The following PRKG2 variants were observed in gnomAD, a reference collection of about 807,000 sequenced individuals.
PRKG2 encodes the protein cGMP-dependent protein kinase 2.
A neutral mutation model predicts 97.2 loss-of-function variants in PRKG2; 33 were observed. The ratio of observed to expected loss-of-function variants is 0.34; its 90% confidence interval spans 0.26 to 0.45. PRKG2 has a LOEUF of 0.45. Ranked by LOEUF, PRKG2 falls within the 20% of genes least tolerant of loss-of-function variation. The pLI is 1.00. For missense variants in PRKG2, 638 were observed against 900.0 expected, an observed-to-expected ratio of 0.71 and a Z score of 3.73; for synonymous variants, 330 against 321.8, an observed-to-expected ratio of 1.03 and a Z score of -0.27.
intron 2 of PRKG2, among the ~76,000 whole-genome samples, chr4:81,195,043 T>C (rs1487754439): frequency 6.6e-6 from 1 of 152,134 alleles, no homozygotes; most frequent in East Asian, 1.9e-4. Context: ...GTGATTACAA[T>C]GTAAACTTAA....
chr4:81,147,601 G>A (rs1040534961), intron 9 of PRKG2, among the ~76,000 whole-genome samples: 1 of 152,096 alleles, frequency 6.6e-6, no homozygotes, highest in Non-Finnish European at 1.5e-5. Context: ...ACTGCATAGT[G>A]ATTGCTCCTC....
chr4:81,199,670 T>C (rs189881483), intron 2 of PRKG2, among the ~76,000 whole-genome samples: 177 of 152,324 alleles, frequency 1.2e-3, no homozygotes, highest in African/African-American at 4.1e-3. Flanking sequence ...TAGTGGTATA[T>C]AAATATTTTT....
At chr4:81,156,608 C>G (rs1245680729) in intron 6 of PRKG2, among the ~76,000 whole-genome samples, 1 of 152,148 alleles carries the variant, frequency 6.6e-6, no homozygotes, top group East Asian at 1.9e-4. Context: ...ACTCTCCACC[C>G]CAAATCAACA....
chr4:81,107,260 T>C (rs1743439008), intron 15 of PRKG2, among the ~76,000 whole-genome samples: 1 of 152,086 alleles, frequency 6.6e-6, no homozygotes, highest in Non-Finnish European at 1.5e-5. Context: ...CATAGGCATT[T>C]AGGAAAGGGG....
At chr4:81,124,512 T>C (rs1387828777) in intron 14 of PRKG2, among the ~76,000 whole-genome samples, 1 of 152,182 alleles carries the variant, frequency 6.6e-6, no homozygotes, top group African/African-American at 2.4e-5. Context: ...CCAAAAGCTT[T>C]GTAGCTTTTT....
chr4:81,100,503 C>T (rs1742630270), intron 17 of PRKG2, among the ~76,000 whole-genome samples: 2 of 152,150 alleles, frequency 1.3e-5, no homozygotes, highest in Admixed American at 6.6e-5. Context: ...GGAAAACTGG[C>T]TAGCCATATG....
At chr4:81,162,650 CT>C (rs1354407370) in intron 6 of PRKG2, among the ~76,000 whole-genome samples, 1 of 152,096 alleles carries the variant, frequency 6.6e-6, no homozygotes, top group African/African-American at 2.4e-5. Context: ...TACTCAAACC[CT>C]TCATCCCTTC....
At chr4:81,140,815 A>T in intron 11 of PRKG2, 146 bp from the exon 12 acceptor site, 2 of 579,654 alleles carry the variant, frequency 3.5e-6, no homozygotes, top group Non-Finnish European at 5.7e-6. Context: ...TCAAGTGTAC[A>T]CACTTCCCTT....
At chr4:81,146,991 A>G (rs1305245748) in intron 9 of PRKG2, among the ~76,000 whole-genome samples, 1 of 152,188 alleles carries the variant, frequency 6.6e-6, no homozygotes, top group Non-Finnish European at 1.5e-5. Flanking sequence ...AAACCTAGTT[A>G]TATCTGATAA....
rs1747160642 is a variant in PRKG2 at position 81,140,394 on chromosome 4, A to G, written c.1544+139T>C. 2.3e-5 allele frequency: 16 copies of G among 702,502 alleles called. 1 individual carries two copies. The Middle Eastern group carries it at 3.2e-3, about 143-fold the overall frequency. 43.5% of individuals were successfully genotyped at this position (702,502 alleles called of 1,614,324 possible). On this transcript the variant is annotated intron_variant, in intron 12 of 18. Coordinates refer to ENST00000264399, the MANE Select transcript of PRKG2 (RefSeq NM_006259.3). ...ATTATGCATTGCATGCCTGTATCAA[A>G]ACATTTCATGTACCCCATAAATATA...
At position 81,189,062 on chromosome 4, in the gene PRKG2, AT is replaced by A. The variant is rs1490084699; in HGVS notation, c.462-14104del. Among the ~76,000 whole-genome samples the A allele has an allele frequency of 1.2e-4, 7 of 60,806 alleles. 1 individual carries two copies. Among genetic ancestry groups the A allele is most frequent in the East Asian group, 6.1e-4 (1 of 1,634 alleles). 39.9% of individuals were successfully genotyped at this position (60,806 alleles called of 152,430 possible). ...AAAGAAAAAAAAAAGATTAAAAAAA[AT>A]AATAAAAAAAAAAAAAAAAAAAAAA... On this transcript the variant is annotated intron_variant, in intron 2 of 18. Coordinates refer to ENST00000264399, the MANE Select transcript of PRKG2 (RefSeq NM_006259.3).
Position 81,212,313 on chromosome 4 carries a change from C to T in PRKG2, c.-14+2623G>A, listed in dbSNP as rs921939067. ...TCCCACCCCCCCAGCAGAATGTTCG[C>T]GGTGAATTTTATGAATGCCACTATC... is the stretch of plus-strand genomic sequence containing the variant. On this transcript the variant is annotated intron_variant, in intron 1 of 18. Transcript: ENST00000264399. Among the ~76,000 whole-genome samples the T allele has an allele frequency of 1.1e-4, 15 of 136,576 alleles. No homozygotes were observed. In the East Asian group the frequency reaches 1.6e-3, roughly 14 times the overall value. 89.6% of individuals were successfully genotyped at this position (136,576 alleles called of 152,430 possible). A position where few individuals can be genotyped will look rare whatever the true frequency, so the allele number is the denominator to read the frequency against.
intron 1 of PRKG2, among the ~76,000 whole-genome samples, chr4:81,213,421 A>C (rs1207226008): frequency 1.3e-5 from 2 of 152,202 alleles, no homozygotes; most frequent in African/African-American, 2.4e-5. Flanking sequence ...AAGGCCATGC[A>C]GATAAGATCC....
chr4:81,185,370 C>CCAAAA (rs149790792), intron 2 of PRKG2, among the ~76,000 whole-genome samples: 31,707 of 151,804 alleles, frequency 0.21, 6,307 homozygotes, highest in African/African-American at 0.51. Context: ...TCATATCCAG[C>CCAAAA]CAAACTAAGC....
intron 2 of PRKG2, among the ~76,000 whole-genome samples, chr4:81,189,261 T>C (rs946957862): frequency 1.6e-5 from 2 of 128,564 alleles, no homozygotes; most frequent in Admixed American, 7.2e-5. Context: ...CGTTTCTGTA[T>C]GTTCTGGCCC....
chr4:81,186,333 C>A (rs1330124625), intron 2 of PRKG2, among the ~76,000 whole-genome samples: 1 of 152,172 alleles, frequency 6.6e-6, no homozygotes, highest in Non-Finnish European at 1.5e-5. Flanking sequence ...CAAAACTGCA[C>A]AACTATATGG....
chr4:81,153,879 C>A (rs1748679668), intron 6 of PRKG2, 158 bp from the exon 7 acceptor site: 2 of 580,780 alleles, frequency 3.4e-6, no homozygotes, highest in South Asian at 1.9e-5. Context: ...CTAGGGAGTG[C>A]CAGACAGTGG....
At chr4:81,092,513 G>GA in intron 17 of PRKG2, 61 bp from the exon 18 acceptor site, 1 of 983,290 alleles carries the variant, frequency 1.0e-6, no homozygotes, top group Non-Finnish European at 1.5e-6. Context: ...AGGAAGGAAG[G>GA]GAGAAAGAAA....
chr4:81,204,551 G>A (rs1289044286), intron 2 of PRKG2, 36 bp downstream of exon 2: 1 of 1,544,142 alleles, frequency 6.5e-7, no homozygotes, highest in Middle Eastern at 1.7e-4. Flanking sequence ...ACAATATTAA[G>A]CCCATCTGAG....
Sources: allele counts gnomAD v4.1 joint callset (sites outside exome capture counted in the v4.1 genomes callset), GRCh38; gene constraint gnomAD v4.1.1; transcripts MANE v1.5; gene names NCBI Gene and HGNC (gene_info 2026-07-23, HGNC 2026-07-21).